The following COL6A5 variants were observed in gnomAD, a reference collection of about 807,000 sequenced individuals.
COL6A5 encodes collagen type VI alpha 5 chain, also known as collagen alpha-5(VI) chain.
In COL6A5, 48 loss-of-function variants were observed where a neutral mutation model predicts 65.6. The observed-to-expected ratio is 0.73, with a 90% CI of 0.58 to 0.93. The LOEUF is 0.93. Ranked by LOEUF, COL6A5 falls within the 40% of genes least tolerant of loss-of-function variation. COL6A5 has a pLI of 0.00. For synonymous variants in COL6A5, 291 were observed against 322.8 expected, an observed-to-expected ratio of 0.90 and a Z score of 1.05; for missense variants, 914 against 928.3, an observed-to-expected ratio of 0.98 and a Z score of 0.20.
At chr3:130,377,759 G>C (rs1483215534) in intron 3 of COL6A5, among the ~76,000 whole-genome samples, 2 of 152,140 alleles carry the variant, frequency 1.3e-5, no homozygotes, top group African/African-American at 4.8e-5. Context: ...GAGGATAATA[G>C]TGTCTATCAT....
In COL6A5 at chr3:130,398,125, GT is replaced by G; in HGVS notation, c.3991+16del. On this transcript the variant is annotated intron_variant and NMD_transcript_variant, in intron 10 of 41. Coordinates refer to the COL6A5 transcript ENST00000312481. Reference sequence around the variant, plus strand: ...TCAGAGAAGCAGGTATTGAGTTGTTGTTGTTTTTTTTTTTTTTTTTTTTGAG... The same window carrying G: ...TCAGAGAAGCAGGTATTGAGTTGTTGTGTTTTTTTTTTTTTTTTTTTTGAG... 1 of 1,061,732 alleles carries G rather than the reference GT, an allele frequency of 9.4e-7. No homozygotes were observed. The highest frequency in any genetic ancestry group is 1.7e-5 in the South Asian group (1 of 57,736). The allele number at this position is 1,061,732 out of a possible 1,614,324, so 65.8% of individuals were successfully genotyped here. A position where few individuals can be genotyped will look rare whatever the true frequency, so the allele number is the denominator to read the frequency against.
exon 7 of COL6A5, chr3:130,391,293 C>T: frequency 1.3e-6 from 2 of 1,551,668 alleles, no homozygotes; most frequent in African/African-American, 2.7e-5. Context: ...GTGAAGAAAG[C>T]AGATGTTGGC....
intron 4 of COL6A5, among the ~76,000 whole-genome samples, chr3:130,382,371 T>C (rs1369611317): frequency 2.6e-5 from 4 of 152,148 alleles, no homozygotes; most frequent in African/African-American, 9.6e-5. Context: ...CCTACAGATA[T>C]AGCATTTGCT....
At chr3:130,469,327 T>C (rs770039928) in exon 6 of COL6A5, 1 of 1,613,012 alleles carries the variant, frequency 6.2e-7, no homozygotes, top group South Asian at 1.1e-5. Flanking sequence ...ACTCCATATT[T>C]GTGTTTTCCT....
At chr3:130,466,393 G>A (rs1257167172) in intron 5 of COL6A5, among the ~76,000 whole-genome samples, 1 of 151,852 alleles carries the variant, frequency 6.6e-6, no homozygotes, top group East Asian at 1.9e-4. Flanking sequence ...TAAATAAAAA[G>A]GGACATTAGA....
intron 1 of COL6A5, among the ~76,000 whole-genome samples, chr3:130,350,215 C>T (rs142074240): frequency 1.1e-4 from 16 of 152,250 alleles, no homozygotes; most frequent in Middle Eastern, 6.8e-3. Context: ...GAATCTGCTA[C>T]GTGGATGCAG....
intron 1 of COL6A5, among the ~76,000 whole-genome samples, chr3:130,352,556 G>A (rs1934761980): frequency 6.6e-6 from 1 of 151,976 alleles, no homozygotes; most frequent in Admixed American, 6.6e-5. Flanking sequence ...TTGTAAAATG[G>A]GTAGATGTAT....
exon 6 of COL6A5, chr3:130,388,921 A>G (rs1936294685): frequency 6.5e-7 from 1 of 1,547,988 alleles, no homozygotes; most frequent in Non-Finnish European, 8.7e-7. Context: ...TCTCATCCTC[A>G]TCACAGATGG....
At chr3:130,347,319 T>C (rs1233225667) in intron 1 of COL6A5, among the ~76,000 whole-genome samples, 1 of 151,930 alleles carries the variant, frequency 6.6e-6, no homozygotes, top group Admixed American at 6.6e-5. Flanking sequence ...ATTATTAATA[T>C]GTTAAAGCAT....
At position 130,414,142 on chromosome 3, in the gene COL6A5, A is replaced by C; in HGVS notation, c.4761+11A>C. On this transcript the variant is annotated intron_variant and NMD_transcript_variant, in intron 22 of 41. Transcript: ENST00000312481. Reference sequence around the variant, plus strand: ...TTACAAGGCCCACAGGTGTGTTGGAATATTTTGTAAATATTGATAAATGCT... The same window carrying C: ...TTACAAGGCCCACAGGTGTGTTGGACTATTTTGTAAATATTGATAAATGCT... 4 of 1,539,526 alleles carry C rather than the reference A, an allele frequency of 2.6e-6. No individual in the cohort carries two copies. Among genetic ancestry groups the C allele is most frequent in the Non-Finnish European group, 3.5e-6 (4 of 1,136,198 alleles).
intron 4 of COL6A5, among the ~76,000 whole-genome samples, chr3:130,452,494 G>A (rs1243357635): frequency 2.6e-5 from 4 of 152,070 alleles, no homozygotes; most frequent in Non-Finnish European, 5.9e-5. Flanking sequence ...CCCACAAGCC[G>A]CAAAACCAGC....
chr3:130,471,902 GT>G, intron 7 of COL6A5: 1 of 1,534,722 alleles, frequency 6.5e-7, no homozygotes, highest in Non-Finnish European at 8.7e-7. Context: ...AGCTCTAGTG[GT>G]TGATAAACAG....
At chr3:130,408,230 G>A (rs1393677172) in intron 17 of COL6A5, among the ~76,000 whole-genome samples, 1 of 139,612 alleles carries the variant, frequency 7.2e-6, no homozygotes, top group Non-Finnish European at 1.5e-5. Flanking sequence ...TATTTTCTCA[G>A]CAAGGAATCA....
exon 6 of COL6A5, chr3:130,469,041 A>G: frequency 6.2e-7 from 1 of 1,612,886 alleles, no homozygotes; most frequent in Middle Eastern, 1.7e-4. Flanking sequence ...CCTCCAGGCT[A>G]TATGCCTAAC....
chr3:130,456,887 G>A lies in COL6A5; in HGVS notation c.1544+1221G>A, dbSNP rs183920870. Among the ~76,000 whole-genome samples the A allele has an allele frequency of 3.8e-4, 58 of 151,646 alleles. 1 individual carries two copies. The East Asian group carries it at 0.011, about 28-fold the overall frequency. Reference sequence around the variant, plus strand: ...AATTATTTCTAAAATATAAATACTCGAACCTTATCTTTAAAACAGCTAAAC... The same window carrying A: ...AATTATTTCTAAAATATAAATACTCAAACCTTATCTTTAAAACAGCTAAAC... On this transcript the variant is annotated intron_variant, in intron 5 of 7. Transcript: ENST00000512836.
At chr3:130,465,451 T>C (rs1248700503) in intron 5 of COL6A5, among the ~76,000 whole-genome samples, 1 of 151,954 alleles carries the variant, frequency 6.6e-6, no homozygotes, top group Non-Finnish European at 1.5e-5. Flanking sequence ...CCAGCAAGCC[T>C]GGAAAAGAAC....
chr3:130,469,599 G>T (rs915299124), intron 6 of COL6A5, 118 bp downstream of exon 38: 1 of 821,102 alleles, frequency 1.2e-6, no homozygotes. Context: ...GAGTATAAGT[G>T]AGTAGGAGGC....
At chr3:130,426,430 A>G (rs1937604581) in intron 31 of COL6A5, 27 bp downstream of exon 31, 5 of 1,550,054 alleles carry the variant, frequency 3.2e-6, no homozygotes, top group Admixed American at 2.0e-5. Flanking sequence ...GAACAAGAGC[A>G]TCCATCAATG....
At position 130,405,976 on chromosome 3, in the gene COL6A5, T is replaced by G; in HGVS notation, c.4354-17T>G. The G allele has an allele frequency of 6.4e-7, 1 of 1,550,932 alleles. No individual in the cohort carries two copies. The highest frequency in any genetic ancestry group is 2.4e-5 in the East Asian group (1 of 40,912). ...CTGTCTTTGATTTGTCAGTGAGAGA[T>G]ATTTCATCTTTTGCAGGGACTCAAA... is the stretch of plus-strand genomic sequence containing the variant. On this transcript the variant is annotated splice_polypyrimidine_tract_variant and intron_variant and NMD_transcript_variant, in intron 14 of 41. Coordinates refer to the COL6A5 transcript ENST00000312481.
Sources: gnomAD v4.1 joint callset for allele counts (sites outside exome capture counted in the v4.1 genomes callset) on GRCh38, gnomAD v4.1.1 for gene constraint, MANE v1.5 for transcripts, NCBI Gene and HGNC (gene_info 2026-07-23, HGNC 2026-07-21) for gene names.